Variants in PCDHGB3 observed in about 807,000 individuals in gnomAD.
PCDHGB3 encodes the protein protocadherin gamma subfamily B, 3.
PCDHGB3 carries 40 observed loss-of-function variants against 59.2 expected under a neutral mutation model. The ratio of observed to expected loss-of-function variants is 0.68; its 90% CI spans 0.52 to 0.88. The LOEUF is 0.88. PCDHGB3 is among the 40% of genes least tolerant of loss of function. The pLI, the probability that PCDHGB3 is intolerant of heterozygous loss-of-function variation, is 0.00. For synonymous variants in PCDHGB3, 581 were observed against 503.6 expected (o/e 1.15, Z -2.06); for missense variants, 1,309 against 1,187.9 (o/e 1.10, Z -1.50).
chr5:141,397,223 T>G (rs144227558), intron 1 of PCDHGB3, among the ~76,000 whole-genome samples: 2 of 152,186 alleles, frequency 1.3e-5, no homozygotes, highest in Admixed American at 6.5e-5. Context: ...TATTTTGAGA[T>G]ATGAAGAAGA....
At chr5:141,426,480 C>T (rs1379758117) in intron 1 of PCDHGB3, 4 of 325,590 alleles carry the variant, frequency 1.2e-5, no homozygotes, top group Non-Finnish European at 1.8e-5. Flanking sequence ...TGACCTGAAA[C>T]CTTAGAGTTA....
Position 141,423,412 on chromosome 5 carries a change from T to C in PCDHGB3, c.2415+50603T>C, listed in dbSNP as rs754410783. 4 of 1,614,166 alleles carry C rather than the reference T, an allele frequency of 2.5e-6. No individual in the cohort carries two copies. The Admixed American group carries it at 6.7e-5, about 27-fold the overall frequency. The stretch of plus-strand genomic sequence containing the variant: ...GCATAAGTCACGCCTGCTGCAGGCT[T>C]CTGAAGGCGGGTTGGCAGGTATGCC... On this transcript the variant is annotated intron_variant, in intron 1 of 3. Coordinates refer to ENST00000576222, the MANE Select transcript of PCDHGB3 (RefSeq NM_018924.5).
chr5:141,450,015 T>A (rs911475310), intron 1 of PCDHGB3, among the ~76,000 whole-genome samples: 12 of 149,806 alleles, frequency 8.0e-5, no homozygotes, highest in Non-Finnish European at 1.6e-4. Flanking sequence ...TCTTTTTTTT[T>A]TTTTTTTTTG....
chr5:141,429,698 A>G (rs1436698608), intron 1 of PCDHGB3, among the ~76,000 whole-genome samples: 2 of 152,228 alleles, frequency 1.3e-5, no homozygotes, highest in Admixed American at 6.5e-5. Flanking sequence ...ATATCTTTAC[A>G]GTATAAATAT....
chr5:141,439,638 C>T (rs1256973189), intron 1 of PCDHGB3, among the ~76,000 whole-genome samples: 2 of 152,184 alleles, frequency 1.3e-5, no homozygotes, highest in African/African-American at 4.8e-5. Context: ...GACATTCCGG[C>T]TTGGTGGCTT....
At chr5:141,505,574 C>T (rs1275802375) in intron 3 of PCDHGB3, 93 bp downstream of exon 3, 13 of 1,593,636 alleles carry the variant, frequency 8.2e-6, no homozygotes, top group Non-Finnish European at 1.1e-5. Context: ...GGATGTCAAA[C>T]CTGTGTAGTT....
chr5:141,403,403 C>G (rs755177334), intron 1 of PCDHGB3: 2 of 1,614,066 alleles, frequency 1.2e-6, no homozygotes, highest in Non-Finnish European at 1.7e-6. Context: ...TCCTGGAGCA[C>G]GTTATCCACT....
chr5:141,393,453 G>A lies in PCDHGB3; in HGVS notation c.2415+20644G>A, dbSNP rs373805221. On this transcript the variant is annotated intron_variant, in intron 1 of 3. Coordinates refer to ENST00000576222, the MANE Select transcript of PCDHGB3 (RefSeq NM_018924.5). ...GGCTGCTCACCACCTGGTCCTCACGGCCTCGGATGGCGGCAAGCCGCCTCG... is the reference window on the plus strand; with the variant it reads ...GGCTGCTCACCACCTGGTCCTCACGACCTCGGATGGCGGCAAGCCGCCTCG... 113 of 1,613,920 alleles carry A rather than the reference G, an allele frequency of 7.0e-5. 1 individual carries two copies. The highest frequency in any genetic ancestry group is 8.9e-5 in the Non-Finnish European group (105 of 1,179,908).
rs776008188 is a variant in PCDHGB3, at chr5:141,376,058, A to T, written c.2415+3249A>T. The T allele has an allele frequency of 4.3e-6, 7 of 1,613,282 alleles. No homozygotes were observed. In the East Asian group the frequency reaches 1.3e-4, roughly 31 times the overall value. ...CCAGCCCCCTCTCTCCGCCACTGTC[A>T]CGCTCACCGTGGCCGTGGCCGACAG... On this transcript the variant is annotated intron_variant, in intron 1 of 3. Transcript: ENST00000576222.
At chr5:141,440,275 T>C (rs913705052) in intron 1 of PCDHGB3, 14 of 152,120 alleles carry the variant, frequency 9.2e-5, no homozygotes, top group African/African-American at 3.1e-4. Flanking sequence ...GAGACCAGCC[T>C]GACCAACATA....
At position 141,432,395 on chromosome 5, in the gene PCDHGB3, G is replaced by T. The variant is rs748660079; in HGVS notation, c.2415+59586G>T. On this transcript the variant is annotated intron_variant, in intron 1 of 3. Coordinates refer to ENST00000576222, the MANE Select transcript of PCDHGB3 (RefSeq NM_018924.5). This position sits in a 1 kb window ranked among gnomAD's most constrained non-coding sequence, Gnocchi z 6.0. ...CGGGCACCCGCCCCTCAGCAGCAAC[G>T]TGTCGTTGAGCCTGTTCGTGCTGGA... 5 of 1,614,242 alleles carry T rather than the reference G, an allele frequency of 3.1e-6. No individual in the cohort carries two copies. In the East Asian group the frequency reaches 8.9e-5, roughly 29 times the overall value.
intron 1 of PCDHGB3, chr5:141,393,628 G>A: frequency 6.2e-7 from 1 of 1,613,922 alleles, no homozygotes; most frequent in African/African-American, 1.3e-5. Context: ...CCGGATGAGG[G>A]AATCAACGGA....
chr5:141,469,676 A>G (rs1227075639), intron 1 of PCDHGB3, among the ~76,000 whole-genome samples: 1 of 152,250 alleles, frequency 6.6e-6, no homozygotes, highest in African/African-American at 2.4e-5. Context: ...ATAAAACTAC[A>G]TATGCATTGG....
intron 1 of PCDHGB3, chr5:141,430,816 C>G: frequency 6.5e-7 from 1 of 1,538,128 alleles, no homozygotes. Context: ...TGGGAATCCT[C>G]CTGGGGACTC....
intron 1 of PCDHGB3, chr5:141,383,093 G>T (rs1778804581): frequency 1.2e-5 from 20 of 1,613,930 alleles, no homozygotes; most frequent in Non-Finnish European, 1.7e-5. Flanking sequence ...CGCGGAGTCC[G>T]CATCATCTCC....
chr5:141,436,384 C>A lies in PCDHGB3; in HGVS notation c.2416-58423C>A, dbSNP rs1048094484. 2.6e-5 allele frequency among the ~76,000 whole-genome samples: 4 copies of A among 152,222 alleles called. 1 individual carries two copies. Among genetic ancestry groups the A allele is most frequent in the Non-Finnish European group, 4.4e-5 (3 of 67,978 alleles). On this transcript the variant is annotated intron_variant, in intron 1 of 3. Coordinates refer to ENST00000576222, the MANE Select transcript of PCDHGB3 (RefSeq NM_018924.5). The stretch of plus-strand genomic sequence containing the variant: ...ATGTTTCCAGTTTAAGCTGAATAGG[C>A]TTTATTAAATAGTTGTTGAATGAAT...
In PCDHGB3 at chr5:141,477,053, G is replaced by A; in HGVS notation, c.2416-17754G>A. On this transcript the variant is annotated intron_variant, in intron 1 of 3. Transcript: ENST00000576222. This position sits in a 1 kb window ranked among gnomAD's most constrained non-coding sequence, Gnocchi z 4.9. ...GACAATCAAGGGTCGGCTGGACTTC[G>A]AGGACACCAAACTCCATGAGATTTA... The A allele has an allele frequency of 1.9e-6, 3 of 1,614,230 alleles. No homozygotes were observed. The highest frequency in any genetic ancestry group is 2.5e-6 in the Non-Finnish European group (3 of 1,180,032).
At chr5:141,383,473 C>G (rs764928203) in intron 1 of PCDHGB3, 2 of 1,613,686 alleles carry the variant, frequency 1.2e-6, no homozygotes, top group South Asian at 1.1e-5. Flanking sequence ...AACTAAGTAC[C>G]CGGAACTGGT....
chr5:141,437,617 C>G (rs570138576), intron 1 of PCDHGB3, among the ~76,000 whole-genome samples: 1 of 152,220 alleles, frequency 6.6e-6, no homozygotes, highest in South Asian at 2.1e-4. Context: ...CTGCTTTATC[C>G]CCATATAAGA....
Sources: gnomAD v4.1 joint callset for allele counts (sites outside exome capture counted in the v4.1 genomes callset) on GRCh38, gnomAD v4.1.1 for gene constraint, Gnocchi (gnomAD v3.1) non-coding constraint, MANE v1.5 for transcripts, NCBI Gene and HGNC (gene_info 2026-07-23, HGNC 2026-07-21) for gene names.